Variants in PHEX observed in about 807,000 individuals in gnomAD.
PHEX encodes the protein phosphate-regulating neutral endopeptidase PHEX.
PHEX carries 16 observed loss-of-function variants against 68.0 expected under a neutral mutation model. That is an observed-to-expected ratio of 0.24 (90% CI 0.16 to 0.36). The LOEUF (loss-of-function observed/expected upper bound fraction) is 0.36, where lower values mean the gene tolerates loss of function less well. Among genes scored for constraint, PHEX ranks in the 10% least tolerant of loss-of-function variants. The pLI is 1.00. For missense variants in PHEX, 480 were observed against 575.5 expected, an observed-to-expected ratio of 0.83 and a Z score of 1.70; for synonymous variants, 208 against 205.1, an observed-to-expected ratio of 1.01 and a Z score of -0.12.
At chrX:22,075,935 C>T (rs1026428734) in intron 3 of PHEX, among the ~76,000 whole-genome samples, 4 of 111,862 alleles carry the variant, frequency 3.6e-5, no homozygotes, top group South Asian at 3.7e-4. Context: ...AAATTTCTTC[C>T]GGGTGACCTC....
intron 16 of PHEX, among the ~76,000 whole-genome samples, chrX:22,215,102 A>G (rs1935045006): frequency 8.9e-6 from 1 of 111,921 alleles, no homozygotes; most frequent in Non-Finnish European, 1.9e-5. Flanking sequence ...AGACTAGGAA[A>G]TAGTCTGGTT....
chrX:22,096,924 A>G (rs753971660), intron 7 of PHEX, 31 bp from the exon 8 acceptor site: 32 of 1,075,562 alleles, frequency 3.0e-5, no homozygotes, highest in Non-Finnish European at 3.4e-5. Flanking sequence ...GGTTCACTTG[A>G]AAAAAAATAA....
chrX:22,202,377 A>G (rs1331063550), intron 15 of PHEX, among the ~76,000 whole-genome samples: 1 of 111,984 alleles, frequency 8.9e-6, no homozygotes, highest in Non-Finnish European at 1.9e-5. Flanking sequence ...CCATTTCTTT[A>G]GAGTAAATTC....
intron 5 of PHEX, among the ~76,000 whole-genome samples, chrX:22,085,629 A>T (rs1228469515): frequency 9.1e-6 from 1 of 110,188 alleles, no homozygotes; most frequent in Admixed American, 9.7e-5. Context: ...GTTTCCTCTT[A>T]TTATTGATTT....
At chrX:22,103,466 C>T (rs1930519509) in intron 9 of PHEX, among the ~76,000 whole-genome samples, 1 of 110,600 alleles carries the variant, frequency 9.0e-6, no homozygotes, top group Admixed American at 9.7e-5. Context: ...CTCCCACTCT[C>T]CCCCTGAGTC....
chrX:22,106,853 A>G (rs891837921), intron 9 of PHEX, among the ~76,000 whole-genome samples: 1 of 109,713 alleles, frequency 9.1e-6, no homozygotes, highest in Non-Finnish European at 1.9e-5. Context: ...TGCAGGCTTT[A>G]GAGTTAGACA....
intron 8 of PHEX, 45 bp downstream of exon 8, chrX:22,097,083 T>C: frequency 1.1e-6 from 1 of 880,320 alleles, no homozygotes; most frequent in Non-Finnish European, 1.7e-6. Context: ...CTCATCATTT[T>C]AGAAGGGATT....
intron 12 of PHEX, among the ~76,000 whole-genome samples, chrX:22,166,256 A>G (rs1280271435): frequency 8.9e-6 from 1 of 111,742 alleles, no homozygotes; most frequent in Admixed American, 9.5e-5. Flanking sequence ...AGCATGACTC[A>G]TCTCCTTTTA....
rs1222771440 is a variant in PHEX at position 22,249,453 on chromosome X, A to ATATATATATATATATAT, written c.*1500_*1501insTATATATATATATATAT. 3.6e-4 allele frequency: 10 copies of ATATATATATATATATAT among 28,033 alleles called. No homozygotes were observed. The highest frequency in any genetic ancestry group is 2.1e-3 in the African/African-American group (10 of 4,821). The allele number at this position is 28,033 out of a possible 1,213,427, so 2.3% of individuals were successfully genotyped here. ...ATTTGTGATTCTTTTAAAAAAAAAA[A>ATATATATATATATATAT]AAATATATATATATATATATATATA... On this transcript the variant is annotated 3_prime_UTR_variant, in exon 22 of 22. Coordinates refer to ENST00000379374, the MANE Select transcript of PHEX (RefSeq NM_000444.6).
At chrX:22,170,889 C>T (rs1382951861) in intron 13 of PHEX, among the ~76,000 whole-genome samples, 2 of 112,308 alleles carry the variant, frequency 1.8e-5, no homozygotes, top group Non-Finnish European at 3.8e-5. Context: ...TTCTTTGTTT[C>T]TCTGGGGCCT....
intron 3 of PHEX, among the ~76,000 whole-genome samples, chrX:22,064,434 G>A (rs1205789983): frequency 8.9e-6 from 1 of 111,848 alleles, no homozygotes; most frequent in African/African-American, 3.3e-5. Context: ...AGTTTGTTGA[G>A]AATAATGGCC....
intron 3 of PHEX, among the ~76,000 whole-genome samples, chrX:22,054,053 G>T (rs1473824123): frequency 1.8e-5 from 2 of 112,082 alleles, no homozygotes; most frequent in African/African-American, 3.2e-5. Flanking sequence ...TCAGATTATT[G>T]AAAACAGTGA....
chrX:22,074,557 T>C (rs183672751), intron 3 of PHEX, among the ~76,000 whole-genome samples: 1 of 110,543 alleles, frequency 9.0e-6, no homozygotes, highest in African/African-American at 3.3e-5. Context: ...GTTTGGCCCT[T>C]AGGGCATTCA....
intron 11 of PHEX, among the ~76,000 whole-genome samples, chrX:22,117,851 T>C (rs1197384372): frequency 2.7e-5 from 3 of 111,249 alleles, no homozygotes; most frequent in African/African-American, 9.8e-5. Context: ...CCTCAGGGAA[T>C]ACTTAGGTTG....
chrX:22,147,300 T>G (rs1932743124), intron 12 of PHEX, among the ~76,000 whole-genome samples: 1 of 111,253 alleles, frequency 9.0e-6, no homozygotes, highest in African/African-American at 3.3e-5. Flanking sequence ...ATGTTCAGGC[T>G]TTCTGTGTAT....
At chrX:22,147,741 A>G (rs1321779930) in intron 12 of PHEX, among the ~76,000 whole-genome samples, 1 of 111,857 alleles carries the variant, frequency 8.9e-6, no homozygotes, top group Non-Finnish European at 1.9e-5. Flanking sequence ...TGTTAGGAAG[A>G]AATAACATGA....
At chrX:22,131,800 G>GT (rs971406578) in intron 11 of PHEX, among the ~76,000 whole-genome samples, 26 of 109,057 alleles carry the variant, frequency 2.4e-4, no homozygotes, top group Middle Eastern at 9.3e-3. Context: ...CAAACCCAGT[G>GT]TTTTTTTTTT....
intron 16 of PHEX, among the ~76,000 whole-genome samples, chrX:22,215,657 A>G (rs969451165): frequency 3.6e-5 from 4 of 111,194 alleles, no homozygotes; most frequent in African/African-American, 1.3e-4. Flanking sequence ...CTCTCCAAGA[A>G]AGAAACCTAT....
At chrX:22,095,264 A>G (rs1238928227) in intron 7 of PHEX, among the ~76,000 whole-genome samples, 1 of 112,027 alleles carries the variant, frequency 8.9e-6, no homozygotes, top group Non-Finnish European at 1.9e-5. Flanking sequence ...TTCGAAGTCC[A>G]GGACTGTGCC....
Sources: allele counts gnomAD v4.1 joint callset (sites outside exome capture counted in the v4.1 genomes callset), GRCh38; gene constraint gnomAD v4.1.1; transcripts MANE v1.5; gene names NCBI Gene and HGNC (gene_info 2026-07-23, HGNC 2026-07-21).